GABRB1: variants seen among roughly 807,000 people sequenced by gnomAD.
GABRB1 encodes gamma-aminobutyric acid receptor subunit beta-1.
Under a neutral mutation model 51.6 loss-of-function variants are expected in GABRB1, and 17 were observed. The observed-to-expected ratio is 0.33, with a 90% CI of 0.23 to 0.49. GABRB1 has a LOEUF of 0.49. Ranked by LOEUF, GABRB1 falls within the 20% of genes least tolerant of loss-of-function variation. The pLI is 0.99. For missense variants in GABRB1, 410 were observed against 600.6 expected (o/e 0.68, Z 3.32); for synonymous variants, 247 against 218.9 (o/e 1.13, Z -1.14).
In GABRB1 at chr4:47,254,361, G is replaced by GTTTTTTT. The variant is rs56838956; in HGVS notation, c.462-65741_462-65735dup. Among the ~76,000 whole-genome samples the GTTTTTTT allele has an allele frequency of 1.0e-3, 85 of 80,954 alleles. 5 individuals carry two copies. The highest frequency in any genetic ancestry group is 3.9e-3 in the African/African-American group (76 of 19,280). The allele number at this position is 80,954 out of a possible 152,430, so 53.1% of individuals were successfully genotyped here. A position where few individuals can be genotyped will look rare whatever the true frequency, so the allele number is the denominator to read the frequency against. On this transcript the variant is annotated intron_variant, in intron 4 of 8. Coordinates refer to ENST00000295454, the MANE Select transcript of GABRB1 (RefSeq NM_000812.4). ...ATGGTGGATGATGTTTCTTTTCTTT[G>GTTTTTTT]TTTTTTTTTTTTTTTTTTTTTTTTT...
Position 47,294,437 on chromosome 4 carries a change from G to A in GABRB1, c.462-25690G>A, listed in dbSNP as rs377018009. Among the ~76,000 whole-genome samples the A allele has an allele frequency of 5.3e-4, 80 of 152,328 alleles. No homozygotes were observed. In the East Asian group the frequency reaches 7.1e-3, roughly 14 times the overall value. ...GCTTTTGCCGACAGGCTTAAAAAAC[G>A]GCGCACCAGAAGATTATAACCCGCA... On this transcript the variant is annotated intron_variant, in intron 4 of 8. Transcript: ENST00000295454.
chr4:46,996,559 T>C (rs1560489898), intron 1 of GABRB1, among the ~76,000 whole-genome samples: 1 of 152,202 alleles, frequency 6.6e-6, no homozygotes, highest in Non-Finnish European at 1.5e-5. Flanking sequence ...CATCAAGTTC[T>C]TATAGGCCAT....
At chr4:47,097,623 A>G (rs1427237002) in intron 3 of GABRB1, among the ~76,000 whole-genome samples, 4 of 152,118 alleles carry the variant, frequency 2.6e-5, no homozygotes, top group African/African-American at 9.7e-5. Flanking sequence ...TGTCTGTTTT[A>G]TTTATTTCTG....
At chr4:47,374,364 G>A (rs1267724455) in intron 5 of GABRB1, among the ~76,000 whole-genome samples, 2 of 152,148 alleles carry the variant, frequency 1.3e-5, no homozygotes, top group African/African-American at 2.4e-5. Flanking sequence ...ACTCCAGCCT[G>A]GGCAACAGAG....
At chr4:47,202,139 G>A in intron 4 of GABRB1, among the ~76,000 whole-genome samples, 1 of 152,146 alleles carries the variant, frequency 6.6e-6, no homozygotes, top group East Asian at 1.9e-4. Flanking sequence ...CCAGGTGGAA[G>A]TAATTGAATC....
intron 1 of GABRB1, among the ~76,000 whole-genome samples, chr4:46,998,175 GT>G (rs1287318596): frequency 2.0e-5 from 3 of 151,854 alleles, no homozygotes; most frequent in Non-Finnish European, 4.4e-5. Context: ...AGATATTTCA[GT>G]GCAATTATTT....
intron 1 of GABRB1, among the ~76,000 whole-genome samples, chr4:47,012,968 G>A (rs776009239): frequency 1.3e-5 from 2 of 152,208 alleles, no homozygotes; most frequent in Admixed American, 1.3e-4. Flanking sequence ...TATAGTTGTA[G>A]TTCATTTGTG....
intron 5 of GABRB1, among the ~76,000 whole-genome samples, chr4:47,376,646 T>TAAAAACA (rs1030654610): frequency 2.6e-5 from 4 of 151,916 alleles, no homozygotes; most frequent in South Asian, 2.1e-4. Context: ...GACTCCGTCT[T>TAAAAACA]AAAAACAAAA....
chr4:47,200,545 C>T (rs771987013), intron 4 of GABRB1, among the ~76,000 whole-genome samples: 2 of 152,144 alleles, frequency 1.3e-5, no homozygotes, highest in Admixed American at 6.6e-5. Flanking sequence ...TTTATAACTA[C>T]TAAAGCCCCA....
chr4:47,296,728 G>A (rs1346660711), intron 4 of GABRB1, among the ~76,000 whole-genome samples: 1 of 152,058 alleles, frequency 6.6e-6, no homozygotes, highest in Non-Finnish European at 1.5e-5. Flanking sequence ...AGGATACCCA[G>A]GAATTGAACT....
At chr4:47,354,120 T>C (rs1726463958) in intron 5 of GABRB1, among the ~76,000 whole-genome samples, 1 of 152,150 alleles carries the variant, frequency 6.6e-6, no homozygotes, top group South Asian at 2.1e-4. Context: ...AACCCTCAGG[T>C]CTTCTCTCAT....
intron 3 of GABRB1, among the ~76,000 whole-genome samples, chr4:47,136,372 C>G (rs1202943243): frequency 6.6e-6 from 1 of 152,006 alleles, no homozygotes; most frequent in African/African-American, 2.4e-5. Context: ...CTCTGTCACA[C>G]CTTCTCTGTC....
At chr4:47,269,003 A>G (rs764749625) in intron 4 of GABRB1, among the ~76,000 whole-genome samples, 1 of 152,306 alleles carries the variant, frequency 6.6e-6, no homozygotes, top group Middle Eastern at 3.4e-3. Flanking sequence ...CTCATTTGGC[A>G]ACCATGTTTT....
At chr4:47,038,486 C>G (rs1255865060) in intron 3 of GABRB1, among the ~76,000 whole-genome samples, 1 of 152,146 alleles carries the variant, frequency 6.6e-6, no homozygotes, top group East Asian at 1.9e-4. Flanking sequence ...CACTGCTCCA[C>G]CACAACTGAA....
At chr4:47,210,520 C>T (rs1199966278) in intron 4 of GABRB1, among the ~76,000 whole-genome samples, 7 of 152,028 alleles carry the variant, frequency 4.6e-5, no homozygotes, top group African/African-American at 1.7e-4. Context: ...TGGCATTTCC[C>T]CTGCATTATT....
chr4:47,090,362 T>C (rs1214907606), intron 3 of GABRB1, among the ~76,000 whole-genome samples: 6 of 152,168 alleles, frequency 3.9e-5, no homozygotes, highest in Non-Finnish European at 8.8e-5. Context: ...TATAGGGTTG[T>C]GAAGTGTTCA....
At chr4:47,246,998 T>C (rs1721789536) in intron 4 of GABRB1, among the ~76,000 whole-genome samples, 2 of 152,078 alleles carry the variant, frequency 1.3e-5, no homozygotes, top group African/African-American at 4.8e-5. Context: ...CTGACTATTC[T>C]ATTTGCTGAG....
intron 3 of GABRB1, among the ~76,000 whole-genome samples, chr4:47,077,779 A>T (rs1727620038): frequency 7.1e-6 from 1 of 141,582 alleles, no homozygotes; most frequent in African/African-American, 2.6e-5. Flanking sequence ...TAAAAGCCTC[A>T]TTAGCTTGTG....
chr4:47,352,601 G>A (rs905781479), intron 5 of GABRB1, among the ~76,000 whole-genome samples: 5 of 152,150 alleles, frequency 3.3e-5, no homozygotes, highest in Non-Finnish European at 7.4e-5. Flanking sequence ...GGGATGCAAG[G>A]CTGGTTCAAT....
Sources: gnomAD v4.1 joint callset for allele counts (sites outside exome capture counted in the v4.1 genomes callset) on GRCh38, gnomAD v4.1.1 for gene constraint, MANE v1.5 for transcripts, NCBI Gene and HGNC (gene_info 2026-07-23, HGNC 2026-07-21) for gene names.